Variants in MAP3K20 observed in about 807,000 individuals in gnomAD.
MAP3K20 encodes mitogen-activated protein kinase kinase kinase 20.
In MAP3K20, 40 loss-of-function variants were observed where a neutral mutation model predicts 85.7. The ratio of observed to expected loss-of-function variants is 0.47; its 90% CI spans 0.36 to 0.61. The LOEUF (loss-of-function observed/expected upper bound fraction) is 0.61. Among genes scored for constraint, MAP3K20 ranks in the 20% least tolerant of loss-of-function variants. The pLI, the probability that MAP3K20 is intolerant of heterozygous loss-of-function variation, is 0.00. For synonymous variants in MAP3K20, 325 were observed against 327.7 expected (o/e 0.99, Z 0.09); for missense variants, 817 against 961.7 (o/e 0.85, Z 1.99).
chr2:173,120,377 T>G (rs1213353946), intron 2 of MAP3K20, among the ~76,000 whole-genome samples: 1 of 151,984 alleles, frequency 6.6e-6, no homozygotes, highest in African/African-American at 2.4e-5. Context: ...AGTCACCCCA[T>G]GAACCCCCTG....
At chr2:173,180,154 G>A (rs1180011722) in intron 3 of MAP3K20, among the ~76,000 whole-genome samples, 1 of 152,094 alleles carries the variant, frequency 6.6e-6, no homozygotes, top group Non-Finnish European at 1.5e-5. Flanking sequence ...CCTAGAAATA[G>A]CCAAACCAAT....
chr2:173,187,241 G>C (rs945854198), intron 4 of MAP3K20, among the ~76,000 whole-genome samples: 1 of 152,170 alleles, frequency 6.6e-6, no homozygotes, highest in Non-Finnish European at 1.5e-5. Context: ...TACCTTAGTC[G>C]TGGAGCCCTC....
intron 2 of MAP3K20, among the ~76,000 whole-genome samples, chr2:173,132,910 A>G (rs1688658317): frequency 6.6e-6 from 1 of 152,214 alleles, no homozygotes; most frequent in Non-Finnish European, 1.5e-5. Flanking sequence ...AATGTTAGAA[A>G]TGTATCCTGA....
intron 17 of MAP3K20, among the ~76,000 whole-genome samples, chr2:173,259,975 A>G (rs138165847): frequency 5.2e-4 from 80 of 152,382 alleles, no homozygotes; most frequent in South Asian, 2.5e-3. Flanking sequence ...TAAGAAAACT[A>G]GAACTGGGAC....
At chr2:173,221,896 A>C in intron 11 of MAP3K20, 1 of 993,662 alleles carries the variant, frequency 1.0e-6, no homozygotes, top group Non-Finnish European at 1.2e-6. Context: ...ATTTTTAAAA[A>C]CTTACATTTT....
chr2:173,155,512 A>C (rs1055549072), intron 2 of MAP3K20, among the ~76,000 whole-genome samples: 3 of 152,202 alleles, frequency 2.0e-5, no homozygotes, highest in African/African-American at 7.2e-5. Context: ...TGTTGAATGG[A>C]GAGTGAAAGA....
At chr2:173,090,802 T>G in intron 1 of MAP3K20, 196 bp from the exon 2 acceptor site, 1 of 1,210,656 alleles carries the variant, frequency 8.3e-7, no homozygotes, top group East Asian at 4.0e-5. Flanking sequence ...CTGGGCAGGT[T>G]GTTGTTGAAT....
At chr2:173,224,602 A>G (rs1684336229) in intron 11 of MAP3K20, 2 of 985,254 alleles carry the variant, frequency 2.0e-6, no homozygotes, top group South Asian at 9.4e-5. Flanking sequence ...AAGGAATTAG[A>G]ATACAGCAGA....
chr2:173,255,224 C>T (rs1170240096), intron 16 of MAP3K20, among the ~76,000 whole-genome samples: 1 of 152,212 alleles, frequency 6.6e-6, no homozygotes, highest in South Asian at 2.1e-4. Context: ...TGGCCACTAG[C>T]TTTCTTGGTT....
At chr2:173,237,323 G>A (rs1034251885) in intron 14 of MAP3K20, among the ~76,000 whole-genome samples, 7 of 151,922 alleles carry the variant, frequency 4.6e-5, no homozygotes, top group South Asian at 4.2e-4. Flanking sequence ...CACCGCACGC[G>A]GCCCCCACCC....
At chr2:173,084,632 A>AATTGCTCTACAAAACT (rs1306892723) in intron 1 of MAP3K20, among the ~76,000 whole-genome samples, 1 of 152,204 alleles carries the variant, frequency 6.6e-6, no homozygotes, top group Non-Finnish European at 1.5e-5. Flanking sequence ...ATTTGTTAAT[A>AATTGCTCTACAAAACT]ATTGCTCTAC....
At chr2:173,261,829 C>A (rs1403502080) in intron 18 of MAP3K20, among the ~76,000 whole-genome samples, 1 of 151,964 alleles carries the variant, frequency 6.6e-6, no homozygotes, top group Non-Finnish European at 1.5e-5. Context: ...CCAGCCTGGG[C>A]AGCATTATGA....
chr2:173,090,920 A>T (rs1687277509), intron 1 of MAP3K20, 78 bp from the exon 2 acceptor site: 3 of 1,455,538 alleles, frequency 2.1e-6, no homozygotes, highest in African/African-American at 2.8e-5. Flanking sequence ...CGTTCATGAT[A>T]TATTATCTAA....
chr2:173,114,734 A>G (rs1236710285), intron 2 of MAP3K20, among the ~76,000 whole-genome samples: 3 of 152,148 alleles, frequency 2.0e-5, no homozygotes, highest in Admixed American at 6.5e-5. Context: ...TAGGGCCCCA[A>G]TCTCTTCTTC....
chr2:173,266,676 C>T lies in MAP3K20; in HGVS notation c.2329C>T (p.Pro777Ser). ...GWTKVEYRKKPHRPSPAKTNK... is the reference protein window; with the variant it reads ...GWTKVEYRKKSHRPSPAKTNK... ...GACAAAAGTGGAATACCGGAAAAAG[C>T]CCCACAGGCCATCTCCCGCCAAAAC... Residue 777 changes from proline to serine, a missense_variant, in exon 20 of 20, where the codon CCC becomes TCC. This residue lies in a region of MAP3K20 where 454 missense variants were observed against 476.9 expected (regional missense o/e 0.95). Transcript: ENST00000375213. 1 of 1,607,298 alleles carries T rather than the reference C, an allele frequency of 6.2e-7. No homozygotes were observed.
intron 2 of MAP3K20, among the ~76,000 whole-genome samples, chr2:173,095,316 A>G (rs965712608): frequency 3.9e-5 from 6 of 152,216 alleles, no homozygotes; most frequent in Non-Finnish European, 8.8e-5. Context: ...GGAGTCAGCC[A>G]TGTTTTTGAG....
intron 16 of MAP3K20, among the ~76,000 whole-genome samples, chr2:173,251,861 G>C (rs1685048044): frequency 6.6e-6 from 1 of 152,164 alleles, no homozygotes; most frequent in Non-Finnish European, 1.5e-5. Context: ...ATCTATAAAA[G>C]CCTGAAAGGC....
At chr2:173,163,417 G>T (rs1413988360) in intron 2 of MAP3K20, among the ~76,000 whole-genome samples, 1 of 152,180 alleles carries the variant, frequency 6.6e-6, no homozygotes, top group Non-Finnish European at 1.5e-5. Context: ...TTAGGATAAT[G>T]GCCTCCAGCT....
chr2:173,263,805 A>G lies in MAP3K20; in HGVS notation c.1612A>G (p.Lys538Glu). ...CCATTCGATTCAGTGGAGTAGAACA[A>G]AACCTCAGGATGAAGTGAAAGCAGT... ...HVHSIQWSRT[K>E]PQDEVKAVQL... Residue 538 changes from lysine to glutamate, a missense_variant, in exon 19 of 20, where the codon AAA becomes GAA. Coordinates refer to ENST00000375213, the MANE Select transcript of MAP3K20 (RefSeq NM_016653.3). 1 of 1,613,808 alleles carries G rather than the reference A, an allele frequency of 6.2e-7. No homozygotes were observed. The highest frequency in any genetic ancestry group is 8.5e-7 in the Non-Finnish European group (1 of 1,179,962).
Sources: gnomAD v4.1 joint callset for allele counts (sites outside exome capture counted in the v4.1 genomes callset) on GRCh38, gnomAD v4.1.1 for gene constraint, gnomAD v4.1.1 regional missense constraint, MANE v1.5 for transcripts, NCBI Gene and HGNC (gene_info 2026-07-23, HGNC 2026-07-21) for gene names.